The following ARSG variants were observed in gnomAD, a reference collection of about 807,000 sequenced individuals.
ARSG encodes ASG.
A neutral mutation model predicts 50.5 loss-of-function variants in ARSG; 37 were observed. That is an observed-to-expected ratio of 0.73 (90% CI 0.56 to 0.96). ARSG has a LOEUF of 0.96. Among genes scored for constraint, ARSG ranks in the 50% least tolerant of loss-of-function variants. The pLI, the probability that ARSG is intolerant of heterozygous loss-of-function variation, is 0.00. For synonymous variants in ARSG, 225 were observed against 254.6 expected (o/e 0.88, Z 1.11); for missense variants, 629 against 675.3 (o/e 0.93, Z 0.76).
rs1453379797 is a variant in ARSG at position 68,399,925 on chromosome 17, T to C, written c.1213-1435T>C. Among the ~76,000 whole-genome samples, 1 of 152,090 alleles carries C rather than the reference T, an allele frequency of 6.6e-6. No homozygotes were observed. The highest frequency in any genetic ancestry group is 2.4e-5 in the African/African-American group (1 of 41,384). On this transcript the variant is annotated intron_variant, in intron 10 of 11. Transcript: ENST00000621439. This position sits in a 1 kb window ranked among gnomAD's most constrained non-coding sequence, Gnocchi z 4.6. The stretch of plus-strand genomic sequence containing the variant: ...TGGCTTTCTGCAGGGATGGAAGAAG[T>C]GAGGGTTTTCAGTTACGACTTCTTT...
chr17:68,403,594 G>C (rs1449816621), intron 11 of ARSG, among the ~76,000 whole-genome samples: 4 of 152,236 alleles, frequency 2.6e-5, no homozygotes, highest in African/African-American at 4.8e-5. Context: ...AGAGAAAGAT[G>C]TGTTCGTCTA....
At chr17:68,437,003 A>ATATATATATAT in the ARSG span, among the ~76,000 whole-genome samples, 774 of 60,196 alleles carry the variant, frequency 0.013, 6 homozygotes, top group Non-Finnish European at 0.019. Flanking sequence ...CAAAAAAAAA[A>ATATATATATAT]AAATATATAT....
intron 1 of ARSG, among the ~76,000 whole-genome samples, chr17:68,264,018 C>T (rs1362344583): frequency 2.0e-5 from 3 of 151,868 alleles, no homozygotes; most frequent in Admixed American, 6.6e-5. Flanking sequence ...CCAACATGTC[C>T]GGCTAATTTT....
intron 2 of ARSG, among the ~76,000 whole-genome samples, chr17:68,328,603 G>A (rs964933271): frequency 2.0e-5 from 3 of 152,212 alleles, no homozygotes; most frequent in Non-Finnish European, 2.9e-5. Context: ...AAGGGCTGTA[G>A]CTCCCCAGCT....
intron 3 of ARSG, among the ~76,000 whole-genome samples, chr17:68,346,158 G>C (rs183874342): frequency 6.6e-6 from 1 of 152,160 alleles, no homozygotes; most frequent in African/African-American, 2.4e-5. Context: ...TTACAGACAT[G>C]AGCCACTCAA....
At chr17:68,293,983 G>C (rs2076116014) in intron 1 of ARSG, among the ~76,000 whole-genome samples, 1 of 152,178 alleles carries the variant, frequency 6.6e-6, no homozygotes, top group Non-Finnish European at 1.5e-5. Flanking sequence ...AGAAAGCACT[G>C]CATTGCCATG....
the ARSG span, among the ~76,000 whole-genome samples, chr17:68,439,472 A>G: frequency 6.6e-6 from 1 of 152,268 alleles, no homozygotes; most frequent in East Asian, 1.9e-4. Flanking sequence ...GGGGTTGCCT[A>G]TGGCTGGGGG....
At chr17:68,446,424 C>T in the ARSG span, among the ~76,000 whole-genome samples, 2 of 152,106 alleles carry the variant, frequency 1.3e-5, no homozygotes, top group Non-Finnish European at 2.9e-5. Flanking sequence ...TCAAGAGCTC[C>T]TCCTGCCTCG....
At chr17:68,428,651 C>G in the ARSG span, 2 of 571,734 alleles carry the variant, frequency 3.5e-6, no homozygotes, top group Middle Eastern at 4.7e-4. Flanking sequence ...TTACCACATG[C>G]TGAGGGCACC....
downstream of ARSG, chr17:68,420,846 A>G (rs1036443282): frequency 5.0e-6 from 1 of 199,134 alleles, no homozygotes; most frequent in East Asian, 1.3e-4. Context: ...AATACATTTT[A>G]GTTTCCTTGT....
intron 2 of ARSG, among the ~76,000 whole-genome samples, chr17:68,319,625 G>A (rs900440200): frequency 1.8e-4 from 27 of 152,206 alleles, no homozygotes; most frequent in African/African-American, 6.3e-4. Flanking sequence ...GCTATTAATA[G>A]TTCCTCTTTT....
chr17:68,403,131 A>G (rs1250222264), intron 11 of ARSG, among the ~76,000 whole-genome samples: 5 of 152,288 alleles, frequency 3.3e-5, no homozygotes, highest in East Asian at 1.9e-4. Context: ...TGTCACAAAA[A>G]TCTTTGATTC....
Position 68,271,930 on chromosome 17 carries a change from G to C in ARSG, c.-552+12504G>C, listed in dbSNP as rs1413225077. 2.0e-5 allele frequency among the ~76,000 whole-genome samples: 3 copies of C among 152,184 alleles called. No individual in the cohort carries two copies. Among genetic ancestry groups the C allele is most frequent in the Non-Finnish European group, 4.4e-5 (3 of 68,032 alleles). On this transcript the variant is annotated intron_variant, in intron 1 of 11. Coordinates refer to the ARSG transcript ENST00000448504. This position sits in a 1 kb window ranked among gnomAD's most constrained non-coding sequence, Gnocchi z 5.3. Reference sequence around the variant, plus strand: ...CGATTCTCCTGCCTCAGCCTCCTGAGTAGCTGGGACTATAGGCGTGCGCCA... The same window carrying C: ...CGATTCTCCTGCCTCAGCCTCCTGACTAGCTGGGACTATAGGCGTGCGCCA...
At position 68,370,457 on chromosome 17, in the gene ARSG, G is replaced by A. The variant is rs555265466; in HGVS notation, c.915G>A (p.Pro305=). The A allele has an allele frequency of 7.4e-6, 12 of 1,614,014 alleles. No homozygotes were observed. The highest frequency in any genetic ancestry group is 6.7e-5 in the East Asian group (3 of 44,872). ...TFLWFTGDNG[P]WAQKCELAGS... Reference sequence around the variant, plus strand: ...TCTGGTTTCTAGGAGACAATGGCCCGTGGGCTCAGAAGTGTGAGCTAGCGG... The same window carrying A: ...TCTGGTTTCTAGGAGACAATGGCCCATGGGCTCAGAAGTGTGAGCTAGCGG... Residue 305 remains proline, a synonymous_variant, in exon 8 of 12, where the codon CCG becomes CCA. Coordinates refer to ENST00000621439, the MANE Select transcript of ARSG (RefSeq NM_001267727.2).
the ARSG span, among the ~76,000 whole-genome samples, chr17:68,440,208 A>G: frequency 6.6e-6 from 1 of 152,258 alleles, no homozygotes; most frequent in Non-Finnish European, 1.5e-5. Context: ...CTGCCTTCCT[A>G]CCCTTACAGA....
intron 1 of ARSG, among the ~76,000 whole-genome samples, chr17:68,280,919 G>A (rs1449015818): frequency 5.3e-5 from 8 of 152,064 alleles, no homozygotes; most frequent in East Asian, 1.9e-4. Context: ...GAGCTAAGGC[G>A]TTTGAGACCA....
At chr17:68,261,411 G>A (rs1466063611) in intron 1 of ARSG, among the ~76,000 whole-genome samples, 14 of 152,032 alleles carry the variant, frequency 9.2e-5, no homozygotes, top group Non-Finnish European at 1.8e-4. Context: ...ACAGAGTCTT[G>A]TCCTGTCACC....
At chr17:68,416,719 T>C (rs1478895604) in intron 11 of ARSG, among the ~76,000 whole-genome samples, 1 of 152,188 alleles carries the variant, frequency 6.6e-6, no homozygotes, top group Non-Finnish European at 1.5e-5. Context: ...GACCTTGTCT[T>C]CGAGCTCTGA....
intron 2 of ARSG, among the ~76,000 whole-genome samples, chr17:68,320,272 A>G (rs940619109): frequency 1.3e-5 from 2 of 150,044 alleles, no homozygotes; most frequent in African/African-American, 4.9e-5. Context: ...CCTAGGTGAC[A>G]GAGCAAGACT....
Sources: gnomAD v4.1 joint callset for allele counts (sites outside exome capture counted in the v4.1 genomes callset) on GRCh38, gnomAD v4.1.1 for gene constraint, Gnocchi (gnomAD v3.1) non-coding constraint, MANE v1.5 for transcripts, NCBI Gene and HGNC (gene_info 2026-07-23, HGNC 2026-07-21) for gene names.